AK3: variants seen among roughly 807,000 people sequenced by gnomAD.
The protein encoded by AK3 is adenylate kinase 3.
In AK3, 27 loss-of-function variants were observed where a neutral mutation model predicts 23.7. That is an observed-to-expected ratio of 1.14 (90% CI 0.84 to 1.57). The LOEUF is 1.57. Ranked by LOEUF, AK3 falls within the 40% of genes most tolerant of loss-of-function variation. AK3 has a pLI of 0.00. For missense variants in AK3, 406 were observed against 285.6 expected (o/e 1.42, Z -3.04); for synonymous variants, 159 against 116.0 (o/e 1.37, Z -2.38).
At chr9:4,722,695 G>C (rs1841932710) in intron 1 of AK3, 70 bp from the exon 2 acceptor site, 1 of 1,596,630 alleles carries the variant, frequency 6.3e-7, no homozygotes, top group Non-Finnish European at 8.6e-7. Context: ...CTCGGAACGA[G>C]TTGCCTAAAG....
intron 1 of AK3, among the ~76,000 whole-genome samples, chr9:4,729,846 A>AG (rs1842113915): frequency 1.3e-5 from 2 of 152,100 alleles, no homozygotes; most frequent in Admixed American, 1.3e-4. Context: ...AAAAAAAAAA[A>AG]AAAGAAATAT....
At chr9:4,738,145 A>C (rs1842339795) in intron 1 of AK3, among the ~76,000 whole-genome samples, 4 of 152,208 alleles carry the variant, frequency 2.6e-5, no homozygotes, top group African/African-American at 7.2e-5. Flanking sequence ...ATGTTTAATA[A>C]CTATACAACT....
At chr9:4,729,462 A>C (rs1335004777) in intron 1 of AK3, among the ~76,000 whole-genome samples, 1 of 151,794 alleles carries the variant, frequency 6.6e-6, no homozygotes, top group Non-Finnish European at 1.5e-5. Context: ...ACAGAGCAAG[A>C]CCCTGTCTTG....
chr9:4,722,314 T>C (rs905350349), intron 2 of AK3, among the ~76,000 whole-genome samples, 192 bp downstream of exon 2: 1 of 152,222 alleles, frequency 6.6e-6, no homozygotes, highest in Non-Finnish European at 1.5e-5. Context: ...TTAGAAATCA[T>C]GCACTTCACT....
intron 1 of AK3, among the ~76,000 whole-genome samples, chr9:4,729,015 A>ATATATATATATATTTTTTTT (rs71326127): frequency 7.7e-6 from 1 of 129,450 alleles, no homozygotes; most frequent in Admixed American, 8.0e-5. Flanking sequence ...ATATATATAT[A>ATATATATATATATTTTTTTT]TTTTTTTTTT....
chr9:4,722,640 G>A lies in AK3; in HGVS notation c.152-15C>T. The A allele has an allele frequency of 6.2e-7, 1 of 1,613,252 alleles. No homozygotes were observed. The highest frequency in any genetic ancestry group is 8.5e-7 in the Non-Finnish European group (1 of 1,179,714). ...CACGCCAATTTCTACAGCAAAGCGG[G>A]GAAAAAAATCAGTAAGTGCATTTGT... On this transcript the variant is annotated splice_polypyrimidine_tract_variant and intron_variant, in intron 1 of 4. Coordinates refer to ENST00000381809, the MANE Select transcript of AK3 (RefSeq NM_016282.4).
At chr9:4,735,563 C>T (rs539421236) in intron 1 of AK3, among the ~76,000 whole-genome samples, 69 of 144,278 alleles carry the variant, frequency 4.8e-4, no homozygotes, top group Middle Eastern at 3.5e-3. Context: ...ATGCAACCTC[C>T]GCCTCCTGGG....
intron 1 of AK3, among the ~76,000 whole-genome samples, chr9:4,728,819 G>C (rs1295599664): frequency 7.5e-6 from 1 of 133,932 alleles, no homozygotes; most frequent in African/African-American, 2.9e-5. Context: ...AACACAGCAA[G>C]ACCATGTCTC....
Position 4,741,077 on chromosome 9 carries a change from G to T in AK3, c.11C>A (p.Ser4Tyr), listed in dbSNP as rs1390233880. 6.5e-7 allele frequency: 1 copy of T among 1,545,572 alleles called. No homozygotes were observed. Among genetic ancestry groups the T allele is most frequent in the East Asian group, 2.5e-5 (1 of 39,318 alleles). MGA[S>Y]ARLLRAVIMG... ...GATCACCGCTCGCAGCAGCCGCGCG[G>T]ACGCCCCCATGGCCGCAGACTGAGG... is the stretch of plus-strand genomic sequence containing the variant. Residue 4 changes from serine to tyrosine, a missense_variant, in exon 1 of 5, where the codon TCC (serine) becomes TAC (tyrosine). By Grantham distance (144) the Ser-to-Tyr change is moderately radical. Transcript: ENST00000381809.
upstream of AK3, chr9:4,741,353 G>A (rs868189505): frequency 3.0e-6 from 1 of 336,808 alleles, no homozygotes; most frequent in Non-Finnish European, 5.3e-6. Context: ...CGCAAGCCGC[G>A]CAAGCCGCGC....
At chr9:4,734,950 A>C (rs1036285885) in intron 1 of AK3, among the ~76,000 whole-genome samples, 2 of 152,088 alleles carry the variant, frequency 1.3e-5, no homozygotes, top group African/African-American at 2.4e-5. Context: ...CAGTACAGAA[A>C]ACTCAAAAGA....
In AK3 at chr9:4,713,157, T is replaced by G. The variant is rs974127508; in HGVS notation, c.564-61A>C. On this transcript the variant is annotated intron_variant, in intron 4 of 4. Coordinates refer to ENST00000381809, the MANE Select transcript of AK3 (RefSeq NM_016282.4). The stretch of plus-strand genomic sequence containing the variant: ...GGTCTGAGTCTTCCTAATAAGCTCT[T>G]TCAAAGCCTTTCTGTAAATAATGAT... The G allele has an allele frequency of 5.1e-6, 8 of 1,577,468 alleles. No individual in the cohort carries two copies. In the African/African-American group the frequency reaches 1.1e-4, roughly 22 times the overall value.
At chr9:4,740,077 AG>A (rs1256512518) in intron 1 of AK3, among the ~76,000 whole-genome samples, 1,542 of 139,160 alleles carry the variant, frequency 0.011, 65 homozygotes, top group African/African-American at 0.04. Context: ...AAAAAAAAAA[AG>A]AAGGAAAACA....
intron 1 of AK3, among the ~76,000 whole-genome samples, chr9:4,728,920 TATAA>T (rs1481885561): frequency 4.8e-5 from 7 of 147,088 alleles, no homozygotes; most frequent in Non-Finnish European, 8.9e-5. Context: ...TATACATACA[TATAA>T]ATATATACAT....
At chr9:4,733,723 C>G (rs1842207536) in intron 1 of AK3, among the ~76,000 whole-genome samples, 1 of 152,090 alleles carries the variant, frequency 6.6e-6, no homozygotes, top group Non-Finnish European at 1.5e-5. Flanking sequence ...CCACCTGGGT[C>G]CAGCCTCATC....
At chr9:4,719,377 G>GAGAAAGA (rs1470825587) in intron 2 of AK3, 70 bp from the exon 3 acceptor site, 1 of 1,043,460 alleles carries the variant, frequency 9.6e-7, no homozygotes, top group African/African-American at 1.6e-5. Context: ...GGGGCGGGTG[G>GAGAAAGA]AGAAAGAAGA....
In AK3 at chr9:4,712,118, C is replaced by A. The variant is rs763087831; in HGVS notation, c.*858G>T. On this transcript the variant is annotated 3_prime_UTR_variant, in exon 5 of 5. Coordinates refer to ENST00000381809, the MANE Select transcript of AK3 (RefSeq NM_016282.4). The stretch of plus-strand genomic sequence containing the variant: ...ACTTGTTATTTATCAGGGCAGATCA[C>A]ACATTTGGATCAAAAAGAAAAACCA... The A allele has an allele frequency of 4.6e-5, 7 of 152,008 alleles. No individual in the cohort carries two copies. Among genetic ancestry groups the A allele is most frequent in the Non-Finnish European group, 1.0e-4 (7 of 67,992 alleles). 9.4% of individuals were successfully genotyped at this position (152,008 alleles called of 1,614,324 possible). A position where few individuals can be genotyped will look rare whatever the true frequency, so the allele number is the denominator to read the frequency against.
intron 4 of AK3, among the ~76,000 whole-genome samples, chr9:4,714,515 C>T (rs1841667589): frequency 6.6e-6 from 1 of 152,156 alleles, no homozygotes; most frequent in Admixed American, 6.5e-5. Flanking sequence ...TTCACTGGCA[C>T]CTGGTACTGC....
At chr9:4,721,551 C>G (rs1563787710) in intron 2 of AK3, among the ~76,000 whole-genome samples, 1 of 150,948 alleles carries the variant, frequency 6.6e-6, no homozygotes, top group East Asian at 1.9e-4. Flanking sequence ...CCTCTGCCTC[C>G]CAGTTCAAGC....
Sources: allele counts gnomAD v4.1 joint callset (sites outside exome capture counted in the v4.1 genomes callset), GRCh38; gene constraint gnomAD v4.1.1; transcripts MANE v1.5; gene names NCBI Gene and HGNC (gene_info 2026-07-23, HGNC 2026-07-21).